The following ACTR3C variants were observed in gnomAD, a reference collection of about 807,000 sequenced individuals.
The protein encoded by ACTR3C is actin related protein 3C.
ACTR3C carries 18 observed loss-of-function variants against 26.3 expected under a neutral mutation model. The ratio of observed to expected loss-of-function variants is 0.68; its 90% CI spans 0.47 to 1.01. The LOEUF is 1.01. ACTR3C is among the 50% of genes least tolerant of loss of function. The pLI is 0.00. For missense variants in ACTR3C, 184 were observed against 250.7 expected (o/e 0.73, Z 1.80); for synonymous variants, 55 against 94.5 (o/e 0.58, Z 2.42).
At chr7:150,083,936 C>A in the ACTR3C span, among the ~76,000 whole-genome samples, 2 of 152,178 alleles carry the variant, frequency 1.3e-5, no homozygotes. Context: ...AAAGTTCCCC[C>A]AAAATCTAAA....
chr7:150,241,624 G>GA (rs528304113), downstream of ACTR3C, among the ~76,000 whole-genome samples: 1 of 152,052 alleles, frequency 6.6e-6, no homozygotes, highest in Admixed American at 6.5e-5. Flanking sequence ...AACTATAAAA[G>GA]AAAAAATGCA....
chr7:149,973,031 G>A, the ACTR3C span, among the ~76,000 whole-genome samples: 6 of 152,118 alleles, frequency 3.9e-5, no homozygotes, highest in South Asian at 2.1e-4. Flanking sequence ...CATAGTGAGC[G>A]GGCGGCACAT....
chr7:149,926,740 C>A, the ACTR3C span, among the ~76,000 whole-genome samples: 1 of 152,158 alleles, frequency 6.6e-6, no homozygotes, highest in Non-Finnish European at 1.5e-5. Context: ...TTCCTCCCAG[C>A]AAGTCACTGG....
At chr7:150,142,316 T>C in the ACTR3C span, among the ~76,000 whole-genome samples, 1 of 152,096 alleles carries the variant, frequency 6.6e-6, no homozygotes, top group Non-Finnish European at 1.5e-5. Flanking sequence ...CAACAACTCC[T>C]GCATGGGGTC....
At chr7:149,913,430 G>C in the ACTR3C span, among the ~76,000 whole-genome samples, 12 of 152,132 alleles carry the variant, frequency 7.9e-5, no homozygotes, top group Admixed American at 1.3e-4. Flanking sequence ...GGTCCTCAAA[G>C]TGTTCCTCAA....
chr7:149,926,801 C>T, the ACTR3C span, among the ~76,000 whole-genome samples: 1 of 152,096 alleles, frequency 6.6e-6, no homozygotes, highest in Non-Finnish European at 1.5e-5. Context: ...ACATGAAGAG[C>T]TTCTAAAAAT....
intron 1 of ACTR3C, among the ~76,000 whole-genome samples, chr7:150,299,008 T>C (rs59418740): frequency 0.031 from 4,015 of 128,984 alleles, 203 homozygotes; most frequent in African/African-American, 0.11. Context: ...TGAGACAGAG[T>C]CTCACTCTGT....
the ACTR3C span, among the ~76,000 whole-genome samples, chr7:150,168,670 T>G: frequency 6.6e-6 from 1 of 150,720 alleles, no homozygotes; most frequent in Admixed American, 6.6e-5. Flanking sequence ...AGTTGGGGAC[T>G]GCTGCCTTAA....
chr7:150,291,641 G>A (rs924704503), intron 3 of ACTR3C, among the ~76,000 whole-genome samples: 2 of 152,106 alleles, frequency 1.3e-5, no homozygotes, highest in African/African-American at 2.4e-5. Flanking sequence ...TGGACACACT[G>A]TGAAATGTAT....
chr7:150,093,141 G>A, the ACTR3C span, among the ~76,000 whole-genome samples: 221 of 151,378 alleles, frequency 1.5e-3, 13 homozygotes, highest in African/African-American at 5.2e-3. Flanking sequence ...TTCTCTTACA[G>A]GTTGTTGGGA....
chr7:150,097,461 C>A, the ACTR3C span, among the ~76,000 whole-genome samples: 2 of 151,612 alleles, frequency 1.3e-5, no homozygotes, highest in Admixed American at 1.3e-4. Flanking sequence ...GTAAGGAGTT[C>A]TGCGGGTCAC....
chr7:149,975,456 A>T, the ACTR3C span, among the ~76,000 whole-genome samples: 1 of 152,068 alleles, frequency 6.6e-6, no homozygotes, highest in African/African-American at 2.4e-5. Context: ...GAAAGAAGAA[A>T]GATCTTGAAT....
the ACTR3C span, among the ~76,000 whole-genome samples, chr7:150,196,843 T>TCTTAGATCTTCTTTGTC: frequency 6.6e-6 from 1 of 152,214 alleles, no homozygotes; most frequent in Non-Finnish European, 1.5e-5. Context: ...TCTTCTTTGT[T>TCTTAGATCTTCTTTGTC]CTTAGTTCTT....
At chr7:150,241,848 G>A (rs1832194811), downstream of ACTR3C, among the ~76,000 whole-genome samples, 1 of 152,102 alleles carries the variant, frequency 6.6e-6, no homozygotes, top group South Asian at 2.1e-4. Context: ...GAAAATATAT[G>A]AATGGCAAAT....
the ACTR3C span, among the ~76,000 whole-genome samples, chr7:149,953,691 C>G: frequency 1.2e-4 from 18 of 152,146 alleles, no homozygotes; most frequent in Non-Finnish European, 4.4e-5. Context: ...ATGGCAGACT[C>G]TTTTCCTCTC....
At chr7:150,069,074 G>A in the ACTR3C span, among the ~76,000 whole-genome samples, 1 of 152,168 alleles carries the variant, frequency 6.6e-6, no homozygotes. Flanking sequence ...ATAGGGGTAT[G>A]CCTAAAACCT....
At chr7:150,159,013 CACACACACTCAG>C in the ACTR3C span, among the ~76,000 whole-genome samples, 4 of 122,636 alleles carry the variant, frequency 3.3e-5, no homozygotes, top group Admixed American at 3.3e-4. Flanking sequence ...GCACATTCAG[CACACACACTCAG>C]GCACACACAC....
the ACTR3C span, among the ~76,000 whole-genome samples, chr7:149,906,416 T>C: frequency 0.34 from 2,718 of 8,094 alleles, 56 homozygotes; most frequent in Non-Finnish European, 0.44. Flanking sequence ...TTGTTTCTTT[T>C]TTTTTTTTTT....
Position 150,252,148 on chromosome 7 carries a change from A to ATG in ACTR3C, c.565-3096_565-3095dup, listed in dbSNP as rs757960368. 5.3e-3 allele frequency among the ~76,000 whole-genome samples: 781 copies of ATG among 147,166 alleles called. 2 individuals are homozygous for ATG. The highest frequency in any genetic ancestry group is 0.05 in the Middle Eastern group (14 of 282). On this transcript the variant is annotated intron_variant, in intron 6 of 7. Coordinates refer to ENST00000683684, the MANE Select transcript of ACTR3C (RefSeq NM_001164458.2). ...TCTGTGTGTGTGTGTGTGTGTGTGC[A>ATG]TGTGTGTGTGTGTGTGTGTGCAATG...
Sources: allele counts gnomAD v4.1 joint callset (sites outside exome capture counted in the v4.1 genomes callset), GRCh38; gene constraint gnomAD v4.1.1; transcripts MANE v1.5; gene names NCBI Gene and HGNC (gene_info 2026-07-23, HGNC 2026-07-21).